Variants in PTPN13 observed in about 807,000 individuals in gnomAD.
PTPN13 encodes protein tyrosine phosphatase non-receptor type 13.
Under a neutral mutation model 284.0 loss-of-function variants are expected in PTPN13, and 191 were observed. The observed-to-expected ratio is 0.67, with a 90% CI of 0.60 to 0.76. The LOEUF is 0.76. Ranked by LOEUF, PTPN13 falls within the 30% of genes least tolerant of loss-of-function variation. The probability of loss-of-function intolerance (pLI) is 0.00; values close to 1 mark genes in which losing one functional copy is unlikely to be tolerated. For synonymous variants in PTPN13, 986 were observed against 1,022.3 expected, an observed-to-expected ratio of 0.96 and a Z score of 0.68; for missense variants, 2,797 against 2,939.9, an observed-to-expected ratio of 0.95 and a Z score of 1.12.
chr4:86,701,200 T>A lies in PTPN13; in HGVS notation c.635-41T>A, dbSNP rs1322758599. The stretch of plus-strand genomic sequence containing the variant: ...GTGGATTACATTTCCATTTATTTTC[T>A]AAAAATTGTGTGCATACATGATAGA... On this transcript the variant is annotated intron_variant, in intron 6 of 47. Coordinates refer to ENST00000411767, the MANE Select transcript of PTPN13 (RefSeq NM_080683.3). 4.3e-6 allele frequency: 6 copies of A among 1,400,834 alleles called. No homozygotes were observed. In the African/African-American group the frequency reaches 8.7e-5, roughly 20 times the overall value. 86.8% of individuals were successfully genotyped at this position (1,400,834 alleles called of 1,614,324 possible). A position where few individuals can be genotyped will look rare whatever the true frequency, so the allele number is the denominator to read the frequency against.
At chr4:86,788,566 T>A (rs1275665310) in intron 40 of PTPN13, among the ~76,000 whole-genome samples, 2 of 152,232 alleles carry the variant, frequency 1.3e-5, no homozygotes, top group Non-Finnish European at 2.9e-5. Flanking sequence ...TTCATTGTAT[T>A]TCTTATTCAG....
At chr4:86,692,627 T>C (rs1730147547) in intron 5 of PTPN13, among the ~76,000 whole-genome samples, 1 of 152,196 alleles carries the variant, frequency 6.6e-6, no homozygotes, top group Non-Finnish European at 1.5e-5. Context: ...CAGTTTTTTA[T>C]CCCTTATAGT....
At chr4:86,678,578 C>A (rs1021519466) in intron 3 of PTPN13, among the ~76,000 whole-genome samples, 3 of 152,174 alleles carry the variant, frequency 2.0e-5, no homozygotes, top group Non-Finnish European at 4.4e-5. Flanking sequence ...TGGAATGTGC[C>A]ACAGGCATCT....
chr4:86,657,103 AT>A (rs1725926161), intron 2 of PTPN13, among the ~76,000 whole-genome samples: 1 of 151,978 alleles, frequency 6.6e-6, no homozygotes, highest in African/African-American at 2.4e-5. Flanking sequence ...GAGTGACCCA[AT>A]TTTCCAGGTG....
At chr4:86,784,416 G>A (rs958441800) in intron 37 of PTPN13, 49 bp from the exon 38 acceptor site, 1 of 1,306,892 alleles carries the variant, frequency 7.7e-7, no homozygotes, top group East Asian at 2.4e-5. Flanking sequence ...CCCGATCCTG[G>A]AAGTTAGTAA....
At chr4:86,682,204 T>G (rs919471883) in intron 3 of PTPN13, among the ~76,000 whole-genome samples, 6 of 152,158 alleles carry the variant, frequency 3.9e-5, no homozygotes, top group African/African-American at 1.2e-4. Flanking sequence ...GAATCAGCTC[T>G]TCCATCTTTT....
At chr4:86,812,692 G>T (rs1409791643) in intron 47 of PTPN13, among the ~76,000 whole-genome samples, 1 of 152,094 alleles carries the variant, frequency 6.6e-6, no homozygotes, top group Non-Finnish European at 1.5e-5. Flanking sequence ...TGAGTGTTCA[G>T]GTATGGTCAC....
At chr4:86,647,520 A>G (rs767055114) in intron 2 of PTPN13, among the ~76,000 whole-genome samples, 45 of 151,752 alleles carry the variant, frequency 3.0e-4, no homozygotes, top group Non-Finnish European at 6.0e-4. Flanking sequence ...TAAAATGACT[A>G]AAAACATTTT....
intron 2 of PTPN13, among the ~76,000 whole-genome samples, chr4:86,642,747 G>T (rs57984747): frequency 1.3e-5 from 2 of 151,922 alleles, no homozygotes; most frequent in African/African-American, 4.8e-5. Context: ...GAGCCACCGC[G>T]CCTGGCCCAC....
Position 86,774,442 on chromosome 4 carries a change from A to C in PTPN13, c.5419A>C (p.Asn1807His). The C allele has an allele frequency of 6.2e-7, 1 of 1,605,576 alleles. No homozygotes were observed. Among genetic ancestry groups the C allele is most frequent in the Non-Finnish European group, 8.5e-7 (1 of 1,175,524 alleles). The change falls in exon 33 of 48, where the codon AAT becomes CAT. Residue 1807 changes from asparagine to histidine, a missense_variant. Coordinates refer to ENST00000411767, the MANE Select transcript of PTPN13 (RefSeq NM_080683.3). ...CCTGGGTTTTACAGTAACCAAAGGC[A>C]ATCAGAGAATTGGTTGTTATGTTCA... Reference protein sequence around the residue: ...GSLGFTVTKGNQRIGCYVHDV... With the variant: ...GSLGFTVTKGHQRIGCYVHDV...
intron 41 of PTPN13, among the ~76,000 whole-genome samples, chr4:86,798,187 CTCACAAAAT>C (rs1743577141): frequency 6.6e-6 from 1 of 152,144 alleles, no homozygotes; most frequent in South Asian, 2.1e-4. Context: ...CCCACTGAAG[CTCACAAAAT>C]TGCCTTGTTT....
rs759074363 is a variant in PTPN13, at chr4:86,766,502, G to A, written c.4314G>A (p.Leu1438=). 1.2e-6 allele frequency: 2 copies of A among 1,607,446 alleles called. No homozygotes were observed. The highest frequency in any genetic ancestry group is 1.3e-5 in the African/African-American group (1 of 74,716). Residue 1438 remains leucine (L), a synonymous_variant, in exon 27 of 48, where the codon CTG becomes CTA. Coordinates refer to ENST00000411767, the MANE Select transcript of PTPN13 (RefSeq NM_080683.3). ...CCCATAAGCAAGCTGTGGAAACACT[G>A]AGAAATACAGGACAGGTAACAGATC... ...GATHKQAVET[L]RNTGQVVHLL... is the part of the protein sequence containing the mutation.
rs201078979 is a variant in PTPN13, at chr4:86,732,441, A to T, written c.1650A>T (p.Pro550=). 2.5e-6 allele frequency: 4 copies of T among 1,602,542 alleles called. No individual in the cohort carries two copies. The highest frequency in any genetic ancestry group is 3.4e-6 in the Non-Finnish European group (4 of 1,173,488). Residue 550 remains proline (P), a synonymous_variant, in exon 11 of 48, where the codon CCA becomes CCT. Transcript: ENST00000411767. ...GPEFVKMTIE[P]FISLDLPRSI... Reference sequence around the variant, plus strand: ...AGTTTGTGAAAATGACAATTGAACCATTTATATCTTTGGATTTGCCACGGT... The same window carrying T: ...AGTTTGTGAAAATGACAATTGAACCTTTTATATCTTTGGATTTGCCACGGT...
rs527392043 is a variant in PTPN13 at position 86,716,877 on chromosome 4, A to T, written c.1292-147A>T. 4.7e-6 allele frequency: 3 copies of T among 636,042 alleles called. No individual in the cohort carries two copies. The South Asian group carries it at 6.5e-5, about 14-fold the overall frequency. The allele number at this position is 636,042 out of a possible 1,614,324, so 39.4% of individuals were successfully genotyped here. On this transcript the variant is annotated intron_variant, in intron 8 of 47. Transcript: ENST00000411767. Reference sequence around the variant, plus strand: ...CTTTAAAAGTAACATGATTTACCTCAAAAGAGTTTAATAACATTATGTCAT... The same window carrying T: ...CTTTAAAAGTAACATGATTTACCTCTAAAGAGTTTAATAACATTATGTCAT...
intron 2 of PTPN13, among the ~76,000 whole-genome samples, chr4:86,646,936 T>C (rs1724506311): frequency 1.3e-5 from 2 of 152,168 alleles, no homozygotes; most frequent in Admixed American, 1.3e-4. Flanking sequence ...CTCAAAATAA[T>C]TATGTTGAGT....
chr4:86,794,786 A>G (rs927380201), intron 40 of PTPN13, among the ~76,000 whole-genome samples: 2 of 152,184 alleles, frequency 1.3e-5, no homozygotes, highest in African/African-American at 4.8e-5. Context: ...TGACAAAAAC[A>G]AGCAATGGGG....
Position 86,763,154 on chromosome 4 carries a change from T to G in PTPN13, c.3981T>G (p.Thr1327=), listed in dbSNP as rs930975753. 6.2e-7 allele frequency: 1 copy of G among 1,613,670 alleles called. No homozygotes were observed. The highest frequency in any genetic ancestry group is 1.3e-5 in the African/African-American group (1 of 74,970). ...GAGATTCAGACATGGATGAAGCCACTTACTCCAGCAGTCAGGATCATCAAA... is the reference window on the plus strand; with the variant it reads ...GAGATTCAGACATGGATGAAGCCACGTACTCCAGCAGTCAGGATCATCAAA... ...DRGDSDMDEA[T]YSSSQDHQTP... The change falls in exon 24 of 48, where the codon ACT becomes ACG. Residue 1327 remains threonine (T), a synonymous_variant. Coordinates refer to ENST00000411767, the MANE Select transcript of PTPN13 (RefSeq NM_080683.3).
At chr4:86,644,403 G>A (rs1285792938) in intron 2 of PTPN13, among the ~76,000 whole-genome samples, 1 of 152,184 alleles carries the variant, frequency 6.6e-6, no homozygotes, top group African/African-American at 2.4e-5. Flanking sequence ...GCCTCGCAAA[G>A]TGTTAGGATT....
chr4:86,775,722 T>G lies in PTPN13; in HGVS notation c.5891+70T>G. 3 of 1,178,860 alleles carry G rather than the reference T, an allele frequency of 2.5e-6. No homozygotes were observed. In the South Asian group the frequency reaches 4.3e-5, roughly 17 times the overall value. 73.0% of individuals were successfully genotyped at this position (1,178,860 alleles called of 1,614,324 possible). A position where few individuals can be genotyped will look rare whatever the true frequency, so the allele number is the denominator to read the frequency against. ...ATTTCAGGTCATTGATTATACTTCA[T>G]TCTCTGAAAATATATTACTGAATTA... On this transcript the variant is annotated intron_variant, in intron 35 of 47. Coordinates refer to ENST00000411767, the MANE Select transcript of PTPN13 (RefSeq NM_080683.3).
Sources: allele counts gnomAD v4.1 joint callset (sites outside exome capture counted in the v4.1 genomes callset), GRCh38; gene constraint gnomAD v4.1.1; transcripts MANE v1.5; gene names NCBI Gene and HGNC (gene_info 2026-07-23, HGNC 2026-07-21).